The following MSN variants were observed in gnomAD, a reference collection of about 807,000 sequenced individuals.
MSN encodes the protein moesin.
A neutral mutation model predicts 48.0 loss-of-function variants in MSN; 2 were observed. The observed-to-expected ratio is 0.04, with a 90% CI of 0.02 to 0.13. MSN has a LOEUF of 0.13. MSN is among the 10% of genes least tolerant of loss of function. MSN has a pLI of 1.00. For missense variants in MSN, 267 were observed against 470.1 expected, an observed-to-expected ratio of 0.57 and a Z score of 3.99; for synonymous variants, 146 against 166.9, an observed-to-expected ratio of 0.87 and a Z score of 0.97.
chrX:65,701,520 G>T (rs1293069548), intron 1 of MSN, among the ~76,000 whole-genome samples: 4 of 112,063 alleles, frequency 3.6e-5, no homozygotes, highest in Non-Finnish European at 7.5e-5. Flanking sequence ...CAGATGGAAA[G>T]AATCACCTGA....
intron 1 of MSN, among the ~76,000 whole-genome samples, chrX:65,617,143 A>C (rs1472196965): frequency 5.7e-5 from 6 of 105,873 alleles, no homozygotes; most frequent in African/African-American, 2.0e-4. Context: ...ATCAATGTTC[A>C]TCAAGGATAT....
chrX:65,671,482 C>T (rs779144056), intron 1 of MSN, among the ~76,000 whole-genome samples: 2 of 111,931 alleles, frequency 1.8e-5, no homozygotes, highest in Admixed American at 9.4e-5. Flanking sequence ...CCTAGCATTA[C>T]TTGAGCCACT....
At chrX:65,675,844 G>T (rs1487924826) in intron 1 of MSN, among the ~76,000 whole-genome samples, 2 of 111,439 alleles carry the variant, frequency 1.8e-5, no homozygotes, top group Non-Finnish European at 3.8e-5. Context: ...CACCATGTTG[G>T]CCAGGCTGGT....
intron 1 of MSN, among the ~76,000 whole-genome samples, chrX:65,657,368 G>C (rs1170529944): frequency 1.8e-5 from 2 of 110,252 alleles, no homozygotes; most frequent in Admixed American, 1.9e-4. Flanking sequence ...ATGGTTCACA[G>C]ACGGGCCATG....
intron 1 of MSN, among the ~76,000 whole-genome samples, chrX:65,592,137 C>T (rs185112127): frequency 3.8e-4 from 40 of 104,139 alleles, no homozygotes; most frequent in Admixed American, 3.7e-3. Flanking sequence ...CAAGCAGATG[C>T]GGGTCAGTCA....
At chrX:65,594,261 G>A (rs1468978043) in intron 1 of MSN, among the ~76,000 whole-genome samples, 1 of 111,963 alleles carries the variant, frequency 8.9e-6, no homozygotes, top group Non-Finnish European at 1.9e-5. Context: ...AAGGCAAGTA[G>A]TGGCAGAACT....
chrX:65,706,869 G>A (rs981431716), intron 1 of MSN, among the ~76,000 whole-genome samples: 1 of 111,758 alleles, frequency 8.9e-6, no homozygotes, highest in Non-Finnish European at 1.9e-5. Context: ...AAGTGGGGAT[G>A]GTAATGTTCA....
chrX:65,730,530 G>T (rs1176046810), intron 4 of MSN, among the ~76,000 whole-genome samples: 1 of 110,075 alleles, frequency 9.1e-6, no homozygotes, highest in Admixed American at 9.8e-5. Flanking sequence ...GTACCCTGGG[G>T]ACTCTACCTG....
intron 1 of MSN, among the ~76,000 whole-genome samples, chrX:65,703,613 T>C (rs1378187125): frequency 9.0e-6 from 1 of 111,263 alleles, no homozygotes; most frequent in African/African-American, 3.3e-5. Context: ...CAGGATAGAG[T>C]GCAGTGGCAA....
At chrX:65,608,844 TAATCAATGAGAA>T (rs2070297858) in intron 1 of MSN, among the ~76,000 whole-genome samples, 1 of 111,017 alleles carries the variant, frequency 9.0e-6, no homozygotes, top group African/African-American at 3.3e-5. Context: ...TTCAGTGAGT[TAATCAATGAGAA>T]TTGTCCTGCT....
At chrX:65,669,635 A>G (rs1005913961) in intron 1 of MSN, among the ~76,000 whole-genome samples, 2 of 111,466 alleles carry the variant, frequency 1.8e-5, no homozygotes, top group African/African-American at 6.5e-5. Flanking sequence ...ATTTTTATGC[A>G]GATTGACTGA....
At chrX:65,632,268 A>G (rs1252622113) in intron 1 of MSN, among the ~76,000 whole-genome samples, 1 of 111,748 alleles carries the variant, frequency 8.9e-6, no homozygotes, top group Non-Finnish European at 1.9e-5. Context: ...GCCCCCTTTT[A>G]CCGTCTCTTC....
chrX:65,596,364 G>C, intron 1 of MSN, among the ~76,000 whole-genome samples: 1 of 110,982 alleles, frequency 9.0e-6, no homozygotes, highest in East Asian at 2.8e-4. Flanking sequence ...GTACGTGTGT[G>C]TGTTTGGGAG....
chrX:65,727,674 A>G, intron 2 of MSN, 140 bp from the exon 3 acceptor site: 1 of 455,317 alleles, frequency 2.2e-6, no homozygotes. Context: ...TTGCTGCTCA[A>G]GTATATTTTC....
At chrX:65,689,086 CT>C (rs1158170733) in intron 1 of MSN, among the ~76,000 whole-genome samples, 1 of 111,498 alleles carries the variant, frequency 9.0e-6, no homozygotes, top group Non-Finnish European at 1.9e-5. Flanking sequence ...AGTTGAAGAG[CT>C]GTTGTTTATG....
intron 1 of MSN, among the ~76,000 whole-genome samples, chrX:65,696,225 TCACACACA>T (rs111720807): frequency 2.0e-5 from 2 of 102,264 alleles, no homozygotes; most frequent in African/African-American, 7.5e-5. Context: ...GCTTGCTCAT[TCACACACA>T]CACACACACA....
chrX:65,731,302 G>C (rs746386924), intron 5 of MSN, 112 bp downstream of exon 5: 19 of 649,676 alleles, frequency 2.9e-5, no homozygotes, highest in Non-Finnish European at 4.1e-5. Flanking sequence ...TGGAGAAAGA[G>C]GGAACAGGGA....
chrX:65,642,350 GGTGTGTGTGTGTGTGTGT>G (rs61644801), intron 1 of MSN, among the ~76,000 whole-genome samples: 30 of 96,207 alleles, frequency 3.1e-4, no homozygotes, highest in African/African-American at 1.2e-3. Context: ...TGTACATTAT[GGTGTGTGTGTGTGTGTGT>G]GTGTGTGTGT....
chrX:65,725,037 A>G (rs2071554855), intron 2 of MSN, among the ~76,000 whole-genome samples: 1 of 112,049 alleles, frequency 8.9e-6, no homozygotes, highest in African/African-American at 3.2e-5. Flanking sequence ...TTTATACAGA[A>G]AAGAGGCTTA....
Sources: gnomAD v4.1 joint callset for allele counts (sites outside exome capture counted in the v4.1 genomes callset) on GRCh38, gnomAD v4.1.1 for gene constraint, MANE v1.5 for transcripts, NCBI Gene and HGNC (gene_info 2026-07-23, HGNC 2026-07-21) for gene names.